SCN8A: variants seen among roughly 807,000 people sequenced by gnomAD.
The protein encoded by SCN8A is sodium voltage-gated channel alpha subunit 8.
SCN8A carries 30 observed loss-of-function variants against 184.1 expected under a neutral mutation model. The observed-to-expected ratio is 0.16, with a 90% CI of 0.12 to 0.22. The LOEUF is 0.22. Among genes scored for constraint, SCN8A ranks in the 10% least tolerant of loss-of-function variants. SCN8A has a pLI of 1.00. For synonymous variants in SCN8A, 852 were observed against 907.0 expected (o/e 0.94, Z 1.09); for missense variants, 1,057 against 2,498.9 (o/e 0.42, Z 12.30).
At chr12:51,682,049 G>A (rs1034154034) in intron 2 of SCN8A, among the ~76,000 whole-genome samples, 5 of 152,142 alleles carry the variant, frequency 3.3e-5, no homozygotes, top group African/African-American at 1.2e-4. Context: ...TATGAAAGGT[G>A]TTGAATTTTG....
At chr12:51,804,305 GTTTCT>G (rs974982641) in intron 26 of SCN8A, among the ~76,000 whole-genome samples, 2 of 151,844 alleles carry the variant, frequency 1.3e-5, no homozygotes, top group Non-Finnish European at 2.9e-5. Context: ...GCTGATACTG[GTTTCT>G]TTTCTTTTTC....
intron 20 of SCN8A, among the ~76,000 whole-genome samples, chr12:51,778,844 CCACCACTTCCCAGTAGGA>C (rs1232665331): frequency 1.3e-5 from 2 of 152,032 alleles, no homozygotes; most frequent in African/African-American, 4.8e-5. Flanking sequence ...TGATATGCAA[CCACCACTTCCCAGTAGGA>C]AGAATTTAAG....
At chr12:51,675,680 A>C (rs1474234925) in intron 2 of SCN8A, among the ~76,000 whole-genome samples, 1 of 152,182 alleles carries the variant, frequency 6.6e-6, no homozygotes, top group Non-Finnish European at 1.5e-5. Flanking sequence ...CTTGTTTGTG[A>C]AACGAATAGT....
intron 2 of SCN8A, among the ~76,000 whole-genome samples, chr12:51,666,743 A>G (rs1230434335): frequency 2.0e-5 from 3 of 152,114 alleles, no homozygotes; most frequent in Non-Finnish European, 4.4e-5. Context: ...CTCGTTTTCT[A>G]TTAGTGAAGT....
chr12:51,591,991 G>A (rs1458879701), intron 1 of SCN8A, among the ~76,000 whole-genome samples: 1 of 149,842 alleles, frequency 6.7e-6, no homozygotes, highest in Non-Finnish European at 1.5e-5. Flanking sequence ...TCCTCGGCAG[G>A]CGAGGATTCC....
intron 14 of SCN8A, among the ~76,000 whole-genome samples, chr12:51,753,498 T>C (rs541525933): frequency 8.5e-4 from 129 of 152,334 alleles, no homozygotes; most frequent in Non-Finnish European, 9.8e-4. Flanking sequence ...AATAAGGAAG[T>C]TGGGTACGTG....
chr12:51,810,576 C>A lies in SCN8A; in HGVS notation c.*3147C>A. 1 of 161,396 alleles carries A rather than the reference C, an allele frequency of 6.2e-6. No homozygotes were observed. The highest frequency in any genetic ancestry group is 1.3e-5 in the Non-Finnish European group (1 of 75,452). 10.0% of individuals were successfully genotyped at this position (161,396 alleles called of 1,614,324 possible). On this transcript the variant is annotated 3_prime_UTR_variant, in exon 27 of 27. Coordinates refer to ENST00000627620, the MANE Select transcript of SCN8A (RefSeq NM_001330260.2). The stretch of plus-strand genomic sequence containing the variant: ...AAATATTTATTTTTTGTAGCCAGGT[C>A]CTTGGTGCAGTATTTATACTCCACA...
At chr12:51,688,945 G>A (rs1268092139) in intron 5 of SCN8A, 60 bp from the exon 6 acceptor site, 7 of 1,570,834 alleles carry the variant, frequency 4.5e-6, no homozygotes, top group Non-Finnish European at 6.1e-6. Flanking sequence ...TTTTCCTTTG[G>A]TGTTTGTGTT....
At chr12:51,775,046 C>A (rs1027856656) in intron 20 of SCN8A, among the ~76,000 whole-genome samples, 4 of 152,184 alleles carry the variant, frequency 2.6e-5, no homozygotes, top group Non-Finnish European at 4.4e-5. Flanking sequence ...TCTTTCTCAC[C>A]CCACCATCAC....
At chr12:51,689,550 T>G (rs1941472866) in intron 6 of SCN8A, 1 of 153,736 alleles carries the variant, frequency 6.5e-6, no homozygotes, top group Admixed American at 6.4e-5. Context: ...ATGAAATTTT[T>G]TAATCACAGA....
intron 12 of SCN8A, among the ~76,000 whole-genome samples, chr12:51,742,746 G>A (rs78165875): frequency 0.025 from 3,857 of 151,902 alleles, 157 homozygotes; most frequent in African/African-American, 0.085. Context: ...CTTTCTCTAG[G>A]TTTGGCAAGT....
At chr12:51,751,799 G>A (rs1047032622) in intron 14 of SCN8A, among the ~76,000 whole-genome samples, 2 of 152,148 alleles carry the variant, frequency 1.3e-5, no homozygotes, top group African/African-American at 2.4e-5. Flanking sequence ...CTTTGAAGAC[G>A]TCATTTAGGA....
intron 1 of SCN8A, among the ~76,000 whole-genome samples, chr12:51,624,995 C>T (rs965286657): frequency 1.3e-5 from 2 of 152,020 alleles, no homozygotes; most frequent in Non-Finnish European, 2.9e-5. Flanking sequence ...TCATTTGTCA[C>T]AGTCTACATC....
intron 2 of SCN8A, among the ~76,000 whole-genome samples, chr12:51,665,801 C>T (rs563607704): frequency 7.9e-5 from 12 of 152,298 alleles, no homozygotes; most frequent in East Asian, 3.9e-4. Context: ...CAATGGTTCA[C>T]GCCTGTAATC....
At chr12:51,790,977 G>T (rs1262045266) in intron 25 of SCN8A, among the ~76,000 whole-genome samples, 1 of 152,182 alleles carries the variant, frequency 6.6e-6, no homozygotes, top group Non-Finnish European at 1.5e-5. Context: ...AACTATGGGA[G>T]TCTGGTGCCC....
intron 25 of SCN8A, among the ~76,000 whole-genome samples, chr12:51,793,762 C>T (rs1295322824): frequency 6.6e-6 from 1 of 152,070 alleles, no homozygotes; most frequent in Non-Finnish European, 1.5e-5. Context: ...CACCTGAGGC[C>T]AGGAGTTTGA....
At chr12:51,765,580 C>T in intron 15 of SCN8A, 91 bp from the exon 16 acceptor site, 1 of 796,002 alleles carries the variant, frequency 1.3e-6, no homozygotes, top group East Asian at 2.7e-5. Flanking sequence ...TTAATCTGAT[C>T]TTCCTAATTT....
intron 1 of SCN8A, among the ~76,000 whole-genome samples, chr12:51,659,911 A>G (rs1189871384): frequency 6.6e-6 from 1 of 152,212 alleles, no homozygotes; most frequent in Non-Finnish European, 1.5e-5. Context: ...TAAGATGAAT[A>G]GTTTTTAAAT....
intron 11 of SCN8A, among the ~76,000 whole-genome samples, chr12:51,719,947 G>T (rs1024162523): frequency 1.3e-5 from 2 of 151,724 alleles, no homozygotes; most frequent in Non-Finnish European, 2.9e-5. Context: ...GTGGTAGCGG[G>T]CGCCTGTAGT....
Sources: gnomAD v4.1 joint callset for allele counts (sites outside exome capture counted in the v4.1 genomes callset) on GRCh38, gnomAD v4.1.1 for gene constraint, MANE v1.5 for transcripts, NCBI Gene and HGNC (gene_info 2026-07-23, HGNC 2026-07-21) for gene names.